The following PDCD6IP variants were observed in gnomAD, a reference collection of about 807,000 sequenced individuals.
PDCD6IP encodes the protein programmed cell death 6-interacting protein.
PDCD6IP carries 43 observed loss-of-function variants against 103.7 expected under a neutral mutation model. The ratio of observed to expected loss-of-function variants is 0.41; its 90% CI spans 0.32 to 0.53. PDCD6IP has a LOEUF of 0.53. Among genes scored for constraint, PDCD6IP ranks in the 20% least tolerant of loss-of-function variants. The probability of loss-of-function intolerance (pLI) is 0.16; values close to 1 mark genes in which losing one functional copy is unlikely to be tolerated. For synonymous variants in PDCD6IP, 354 were observed against 378.7 expected (o/e 0.93, Z 0.76); for missense variants, 871 against 1,036.7 (o/e 0.84, Z 2.20).
chr3:33,799,030 G>A (rs1479884890), intron 1 of PDCD6IP, 93 bp downstream of exon 1: 2 of 1,214,800 alleles, frequency 1.6e-6, no homozygotes, highest in Non-Finnish European at 1.1e-6. Context: ...CCTGTAACCT[G>A]GGCGGAGCCG....
chr3:33,853,582 A>G (rs1240661693), intron 13 of PDCD6IP, among the ~76,000 whole-genome samples: 1 of 152,184 alleles, frequency 6.6e-6, no homozygotes, highest in African/African-American at 2.4e-5. Flanking sequence ...TATATGATAT[A>G]AAATAACTCC....
chr3:33,844,203 T>C lies in PDCD6IP; in HGVS notation c.1451T>C (p.Leu484Pro). 1.3e-6 allele frequency: 2 copies of C among 1,569,276 alleles called. No individual in the cohort carries two copies. Among genetic ancestry groups the C allele is most frequent in the South Asian group, 1.2e-5 (1 of 82,650 alleles). Reference sequence around the variant, plus strand: ...TGGCAAAGGACACCATCCAATGAACTGTATAAGCCTTTAAGAGCAGGTAAA... The same window carrying C: ...TGGCAAAGGACACCATCCAATGAACCGTATAAGCCTTTAAGAGCAGGTAAA... ...ERWQRTPSNE[L>P]YKPLRAEGTN... Residue 484 changes from leucine to proline, a missense_variant, in exon 11 of 18, where the codon CTG becomes CCG. By Grantham distance (98) the Leu-to-Pro change is moderately conservative. This residue lies in a region of PDCD6IP where 266 missense variants were observed against 390.5 expected (regional missense o/e 0.68). Transcript: ENST00000307296.
intron 7 of PDCD6IP, among the ~76,000 whole-genome samples, chr3:33,829,381 A>G (rs1697197750): frequency 6.6e-6 from 1 of 152,166 alleles, no homozygotes; most frequent in South Asian, 2.1e-4. Flanking sequence ...ATTAATTGCC[A>G]TGCTCCAGGA....
At chr3:33,839,236 C>A (rs779123616) in intron 9 of PDCD6IP, among the ~76,000 whole-genome samples, 1 of 152,204 alleles carries the variant, frequency 6.6e-6, no homozygotes, top group Non-Finnish European at 1.5e-5. Flanking sequence ...AGCCCCTGGC[C>A]GCTATTGATC....
At chr3:33,830,968 A>G (rs1447452807) in intron 7 of PDCD6IP, among the ~76,000 whole-genome samples, 1 of 152,158 alleles carries the variant, frequency 6.6e-6, no homozygotes, top group African/African-American at 2.4e-5. Flanking sequence ...AAGAGAAATA[A>G]CTTATTGGTC....
At chr3:33,807,617 A>G (rs1323966185) in intron 1 of PDCD6IP, among the ~76,000 whole-genome samples, 2 of 152,120 alleles carry the variant, frequency 1.3e-5, no homozygotes, top group Non-Finnish European at 2.9e-5. Context: ...GGGTAGAGTA[A>G]AACTGACCAT....
intron 7 of PDCD6IP, among the ~76,000 whole-genome samples, chr3:33,831,533 G>A (rs1697245189): frequency 6.6e-6 from 1 of 152,062 alleles, no homozygotes; most frequent in Non-Finnish European, 1.5e-5. Context: ...AATAGATAAA[G>A]CAAATGTGGC....
Position 33,852,630 on chromosome 3 carries a change from A to T in PDCD6IP, c.1784A>T (p.Asn595Ile). ...GCCCTGGCTCAAGATGGTGTGATAA[A>T]TGAAGAAGCTCTTTCTGTTACTGAA... The part of the protein sequence containing the change: ...LTALAQDGVI[N>I]EEALSVTELD... Residue 595 changes from asparagine to isoleucine, a missense_variant, in exon 13 of 18, where the codon AAT becomes ATT. Asn to Ile is a moderately radical substitution (Grantham distance 149, BLOSUM62 -3). Around this residue, in one of 5 missense-constraint regions of PDCD6IP, gnomAD observed 266 missense variants for 390.5 expected, o/e 0.68. Transcript: ENST00000307296. 3 of 1,601,810 alleles carry T rather than the reference A, an allele frequency of 1.9e-6. No homozygotes were observed. Among genetic ancestry groups the T allele is most frequent in the African/African-American group, 1.4e-5 (1 of 74,018 alleles).
intron 5 of PDCD6IP, among the ~76,000 whole-genome samples, chr3:33,825,766 T>C (rs72859996): frequency 0.021 from 3,137 of 152,288 alleles, 94 homozygotes; most frequent in African/African-American, 0.071. Context: ...TCATAAATAA[T>C]TGCTATAAGA....
At chr3:33,805,153 G>T (rs1696564977) in intron 1 of PDCD6IP, among the ~76,000 whole-genome samples, 1 of 151,972 alleles carries the variant, frequency 6.6e-6, no homozygotes, top group Non-Finnish European at 1.5e-5. Context: ...TCAGGAGTTC[G>T]AGATTAGCCT....
rs777564342 is a variant in PDCD6IP, at chr3:33,840,458, TGTA to T, written c.1182-1436_1182-1434del. ...GTTCAAGGGCCAACTGTATTTCTCT[TGTA>T]GTTGGCTTGCCTTTTCATGTTTTTA... On this transcript the variant is annotated intron_variant, in intron 9 of 17. Coordinates refer to ENST00000307296, the MANE Select transcript of PDCD6IP (RefSeq NM_013374.6). 8.1e-4 allele frequency among the ~76,000 whole-genome samples: 123 copies of T among 152,342 alleles called. No individual in the cohort carries two copies. The Middle Eastern group carries it at 0.014, about 17-fold the overall frequency.
At chr3:33,846,449 G>T (rs1312020018) in intron 12 of PDCD6IP, among the ~76,000 whole-genome samples, 1 of 152,190 alleles carries the variant, frequency 6.6e-6, no homozygotes, top group Non-Finnish European at 1.5e-5. Context: ...ATGATCCATT[G>T]TGGAATATTA....
At chr3:33,852,820 A>G (rs1444804185) in intron 13 of PDCD6IP, 84 bp downstream of exon 13, 5 of 1,420,244 alleles carry the variant, frequency 3.5e-6, no homozygotes, top group Non-Finnish European at 4.6e-6. Context: ...TCAGTTAGGA[A>G]AATGACATTG....
At chr3:33,837,009 C>T (rs1265119520) in intron 8 of PDCD6IP, among the ~76,000 whole-genome samples, 3 of 151,928 alleles carry the variant, frequency 2.0e-5, no homozygotes, top group African/African-American at 7.3e-5. Context: ...CAACCTCTGC[C>T]TCCTGGGTTC....
chr3:33,865,270 C>A lies in PDCD6IP; in HGVS notation c.2272C>A (p.Pro758Thr). 1 of 1,573,134 alleles carries A rather than the reference C, an allele frequency of 6.4e-7. No homozygotes were observed. The highest frequency in any genetic ancestry group is 1.9e-5 in the Admixed American group (1 of 52,598). ...PPTKPQPPAR[P>T]PPPVLPANRA... ...TACTAAGCCCCAGCCCCCAGCCAGG[C>A]CTCCACCACCTGTGCTTCCAGCAAA... The change falls in exon 17 of 18, where the codon CCT becomes ACT. Residue 758 changes from proline (P) to threonine (T), a missense_variant. Physicochemically the swap from Pro to Thr is conservative, Grantham distance 38 (BLOSUM62 -1). This residue lies in a region of PDCD6IP where 202 missense variants were observed against 205.2 expected (regional missense o/e 0.98). Transcript: ENST00000307296.
At chr3:33,857,811 T>A (rs1697862179) in intron 15 of PDCD6IP, among the ~76,000 whole-genome samples, 2 of 152,202 alleles carry the variant, frequency 1.3e-5, no homozygotes, top group Non-Finnish European at 2.9e-5. Flanking sequence ...TATGTGTGTG[T>A]ATATATTTCT....
Position 33,836,209 on chromosome 3 carries a change from A to G in PDCD6IP, c.1000A>G (p.Lys334Glu). ...PDLKDLDPIGKATLVKSTPVN... is the reference protein window; with the variant it reads ...PDLKDLDPIGEATLVKSTPVN... ...CCTTAAAGATCTAGATCCTATTGGC[A>G]AAGCCACACTTGTGAAATCTACCCC... The change falls in exon 8 of 18, where the codon AAA (lysine) becomes GAA (glutamate). Residue 334 changes from lysine to glutamate, a missense_variant. Lys to Glu is a moderately conservative substitution (Grantham distance 56). Around this residue, in one of 5 missense-constraint regions of PDCD6IP, gnomAD observed 242 missense variants for 250.7 expected, o/e 0.97. Coordinates refer to ENST00000307296, the MANE Select transcript of PDCD6IP (RefSeq NM_013374.6). 1 of 1,613,762 alleles carries G rather than the reference A, an allele frequency of 6.2e-7. No individual in the cohort carries two copies. Among genetic ancestry groups the G allele is most frequent in the Non-Finnish European group, 8.5e-7 (1 of 1,179,658 alleles).
intron 7 of PDCD6IP, among the ~76,000 whole-genome samples, chr3:33,832,788 T>C (rs867113415): frequency 9.8e-5 from 15 of 152,310 alleles, no homozygotes; most frequent in Middle Eastern, 6.8e-3. Context: ...ATAGGTATTA[T>C]CTCTCATTTT....
At chr3:33,844,334 T>C (rs1436685466) in intron 11 of PDCD6IP, 111 bp downstream of exon 11, 1 of 553,554 alleles carries the variant, frequency 1.8e-6, no homozygotes, top group Non-Finnish European at 3.1e-6. Flanking sequence ...GAAACTGTTT[T>C]TCCTCAGTTT....
Sources: allele counts gnomAD v4.1 joint callset (sites outside exome capture counted in the v4.1 genomes callset), GRCh38; gene constraint gnomAD v4.1.1; regional missense constraint gnomAD v4.1.1; transcripts MANE v1.5; gene names NCBI Gene and HGNC (gene_info 2026-07-23, HGNC 2026-07-21).